CYP4F22: variants seen among roughly 807,000 people sequenced by gnomAD.
CYP4F22 encodes ultra-long-chain fatty acid omega-hydroxylase.
In CYP4F22, 37 loss-of-function variants were observed where a neutral mutation model predicts 60.4. The ratio of observed to expected loss-of-function variants is 0.61; its 90% CI spans 0.47 to 0.81. CYP4F22 has a LOEUF of 0.81. CYP4F22 is among the 30% of genes least tolerant of loss of function. The pLI, the probability that CYP4F22 is intolerant of heterozygous loss-of-function variation, is 0.00. For synonymous variants in CYP4F22, 258 were observed against 280.5 expected, an observed-to-expected ratio of 0.92 and a Z score of 0.80; for missense variants, 655 against 715.0, an observed-to-expected ratio of 0.92 and a Z score of 0.96.
intron 1 of CYP4F22, among the ~76,000 whole-genome samples, chr19:15,517,744 C>T (rs1971171853): frequency 6.6e-6 from 1 of 152,116 alleles, no homozygotes; most frequent in Non-Finnish European, 1.5e-5. Flanking sequence ...ACATAACAGG[C>T]ACTCAATGAT....
At position 15,551,373 on chromosome 19, in the gene CYP4F22, G is replaced by A. The variant is rs1406070399; in HGVS notation, c.1498G>A (p.Val500Met). ...ALTLLRFRLS[V>M]DRTRKVRRKP... ...AACACTGCTACGTTTCCGCCTGAGC[G>A]TGGACCGAACGCGCAAGGTGCGGCG... The change falls in exon 14 of 14, where the codon GTG becomes ATG. Residue 500 changes from valine to methionine, a missense_variant. Around this residue, in one of 3 missense-constraint regions of CYP4F22, gnomAD observed 151 missense variants for 139.4 expected, o/e 1.08. Coordinates refer to ENST00000269703, the MANE Select transcript of CYP4F22 (RefSeq NM_173483.4). The A allele has an allele frequency of 2.5e-6, 4 of 1,612,360 alleles. No homozygotes were observed. Among genetic ancestry groups the A allele is most frequent in the African/African-American group, 1.3e-5 (1 of 74,886 alleles).
Position 15,549,196 on chromosome 19 carries a change from C to G in CYP4F22, c.1329C>G (p.Asp443Glu), listed in dbSNP as rs1223245099. 5.0e-6 allele frequency: 8 copies of G among 1,613,978 alleles called. No homozygotes were observed. The highest frequency in any genetic ancestry group is 6.8e-6 in the Non-Finnish European group (8 of 1,180,016). ...GTHHNPTVWP[D>E]SKVYNPYRFD... ...ACCACAACCCCACAGTGTGGCCTGACTCCAAGGTGAGTGCCTGCCCCACTC... is the reference window on the plus strand; with the variant it reads ...ACCACAACCCCACAGTGTGGCCTGAGTCCAAGGTGAGTGCCTGCCCCACTC... The change falls in exon 12 of 14, where the codon GAC becomes GAG. Residue 443 changes from aspartate (D) to glutamate (E), a missense_variant. By Grantham distance (45) the Asp-to-Glu change is conservative. Around this residue, in one of 3 missense-constraint regions of CYP4F22, gnomAD observed 151 missense variants for 139.4 expected, o/e 1.08. Transcript: ENST00000269703.
chr19:15,520,476 C>T (rs1331278436), intron 1 of CYP4F22, among the ~76,000 whole-genome samples: 1 of 151,346 alleles, frequency 6.6e-6, no homozygotes, highest in African/African-American at 2.4e-5. Context: ...ACTTGCATTC[C>T]ATGAGGAGAA....
intron 11 of CYP4F22, 65 bp from the exon 12 acceptor site, chr19:15,549,069 AAGTT>A: frequency 6.4e-7 from 1 of 1,573,214 alleles, no homozygotes; most frequent in African/African-American, 1.4e-5. Flanking sequence ...AGGGAGACCC[AAGTT>A]GGGGGATGTT....
intron 1 of CYP4F22, chr19:15,516,736 G>T: frequency 1.7e-6 from 1 of 590,278 alleles, no homozygotes; most frequent in Non-Finnish European, 2.9e-6. Context: ...GGAAGTCTTT[G>T]TATTCAACCT....
intron 3 of CYP4F22, among the ~76,000 whole-genome samples, chr19:15,527,326 A>G (rs1478161673): frequency 6.6e-6 from 1 of 152,044 alleles, no homozygotes; most frequent in Non-Finnish European, 1.5e-5. Flanking sequence ...TCCAACCTCC[A>G]TCCTCCTCAC....
intron 4 of CYP4F22, among the ~76,000 whole-genome samples, chr19:15,533,355 A>C (rs1317220678): frequency 1.3e-5 from 2 of 151,806 alleles, no homozygotes; most frequent in Non-Finnish European, 2.9e-5. Flanking sequence ...CCAGTTTCAA[A>C]ATTTTTAGTC....
chr19:15,531,100 G>C (rs1275708961), intron 4 of CYP4F22, among the ~76,000 whole-genome samples: 1 of 152,146 alleles, frequency 6.6e-6, no homozygotes, highest in Non-Finnish European at 1.5e-5. Context: ...TAATTACCCA[G>C]TGGCAGTGAT....
intron 7 of CYP4F22, among the ~76,000 whole-genome samples, 159 bp downstream of exon 7, chr19:15,538,152 T>G (rs1267404769): frequency 6.6e-6 from 1 of 152,142 alleles, no homozygotes; most frequent in East Asian, 1.9e-4. Context: ...TCTCTGAGCT[T>G]CACTTTTTTT....
In CYP4F22 at chr19:15,540,501, C is replaced by T; in HGVS notation, c.723C>T (p.Val241=). The change falls in exon 8 of 14, where the codon GTC becomes GTT. Residue 241 remains valine, a synonymous_variant. Transcript: ENST00000269703. ...TCATTGAACTGAGCGCTCTGTCTGT[C>T]CGGCGCCAGTATCGCTTGCACCACT... ...SAIIELSALS[V]RRQYRLHHYL... is the part of the protein sequence containing the mutation. 6.2e-7 allele frequency: 1 copy of T among 1,614,158 alleles called. No homozygotes were observed.
chr19:15,530,652 C>T (rs772885202), intron 4 of CYP4F22, among the ~76,000 whole-genome samples: 22 of 151,944 alleles, frequency 1.4e-4, no homozygotes, highest in South Asian at 8.3e-4. Context: ...ACAATCATGG[C>T]GGAAGGGGAA....
chr19:15,522,867 C>A (rs924303325), intron 1 of CYP4F22, among the ~76,000 whole-genome samples: 4 of 151,868 alleles, frequency 2.6e-5, no homozygotes, highest in Admixed American at 2.6e-4. Context: ...CACGCCACCA[C>A]GCCCGGCTGA....
At chr19:15,537,208 G>A (rs1971404656) in intron 4 of CYP4F22, among the ~76,000 whole-genome samples, 153 bp from the exon 5 acceptor site, 1 of 152,134 alleles carries the variant, frequency 6.6e-6, no homozygotes, top group Non-Finnish European at 1.5e-5. Flanking sequence ...GGCAGAGGCA[G>A]GAAAACTGCT....
chr19:15,543,027 A>G (rs1165562660), intron 8 of CYP4F22, among the ~76,000 whole-genome samples: 1 of 152,132 alleles, frequency 6.6e-6, no homozygotes, highest in African/African-American at 2.4e-5. Flanking sequence ...GTGTGCGTGT[A>G]TCTTTATAAT....
intron 1 of CYP4F22, among the ~76,000 whole-genome samples, chr19:15,522,953 T>G (rs1971241923): frequency 6.6e-6 from 1 of 151,190 alleles, no homozygotes; most frequent in Non-Finnish European, 1.5e-5. Flanking sequence ...TCAAGTGATC[T>G]GCCCACCTCG....
chr19:15,549,944 A>G (rs1298401778), intron 12 of CYP4F22, among the ~76,000 whole-genome samples: 1 of 151,978 alleles, frequency 6.6e-6, no homozygotes, highest in Non-Finnish European at 1.5e-5. Context: ...TATTTATTTG[A>G]GACTGGGTCT....
chr19:15,525,249 C>G, intron 2 of CYP4F22, 87 bp from the exon 3 acceptor site: 2 of 1,327,900 alleles, frequency 1.5e-6, no homozygotes, highest in Non-Finnish European at 2.1e-6. Flanking sequence ...GTGCTGGGAA[C>G]CTTCTGTGCA....
intron 7 of CYP4F22, among the ~76,000 whole-genome samples, chr19:15,539,681 TGAGAGC>T (rs1239103135): frequency 6.6e-6 from 1 of 152,246 alleles, no homozygotes; most frequent in African/African-American, 2.4e-5. Flanking sequence ...CAGTGATGTA[TGAGAGC>T]TCCAGTTTTT....
intron 10 of CYP4F22, among the ~76,000 whole-genome samples, chr19:15,547,440 C>A (rs1288838424): frequency 1.3e-5 from 2 of 152,166 alleles, no homozygotes; most frequent in African/African-American, 4.8e-5. Flanking sequence ...CCACATAATT[C>A]ATCAATTAAA....
Sources: gnomAD v4.1 joint callset for allele counts (sites outside exome capture counted in the v4.1 genomes callset) on GRCh38, gnomAD v4.1.1 for gene constraint, gnomAD v4.1.1 regional missense constraint, MANE v1.5 for transcripts, NCBI Gene and HGNC (gene_info 2026-07-23, HGNC 2026-07-21) for gene names.